Variants in ASCC3 observed in about 807,000 individuals in gnomAD.
ASCC3 encodes ASC-1 complex subunit P200.
ASCC3 carries 158 observed loss-of-function variants against 256.3 expected under a neutral mutation model. The observed-to-expected ratio is 0.62, with a 90% CI of 0.54 to 0.70. The LOEUF (loss-of-function observed/expected upper bound fraction) is 0.70. ASCC3 is among the 30% of genes least tolerant of loss of function. The pLI is 0.00. For synonymous variants in ASCC3, 948 were observed against 883.4 expected (o/e 1.07, Z -1.30); for missense variants, 2,259 against 2,626.0 (o/e 0.86, Z 3.05).
At chr6:100,651,462 T>C in intron 19 of ASCC3, 98 bp downstream of exon 19, 1 of 483,618 alleles carries the variant, frequency 2.1e-6, no homozygotes, top group Non-Finnish European at 3.6e-6. Context: ...CCAAATGTGA[T>C]GTGCCATACA....
intron 4 of ASCC3, among the ~76,000 whole-genome samples, chr6:100,831,033 A>AC (rs1174516370): frequency 2.6e-5 from 4 of 152,144 alleles, no homozygotes; most frequent in Non-Finnish European, 5.9e-5. Flanking sequence ...TTCAATTTTA[A>AC]CCCTAAGTAG....
At chr6:100,743,485 C>A (rs1179490743) in intron 10 of ASCC3, among the ~76,000 whole-genome samples, 1 of 152,088 alleles carries the variant, frequency 6.6e-6, no homozygotes, top group African/African-American at 2.4e-5. Flanking sequence ...CCCTCACCCC[C>A]GGACTCTCCT....
At chr6:100,583,262 A>G (rs184692192) in intron 36 of ASCC3, among the ~76,000 whole-genome samples, 8 of 152,134 alleles carry the variant, frequency 5.3e-5, no homozygotes, top group Admixed American at 1.3e-4. Flanking sequence ...CACAATTTCA[A>G]ATCCTGTTAT....
chr6:100,714,907 C>A (rs1006965118), intron 13 of ASCC3, among the ~76,000 whole-genome samples: 1 of 151,908 alleles, frequency 6.6e-6, no homozygotes, highest in Non-Finnish European at 1.5e-5. Flanking sequence ...GGTTTCACTA[C>A]TCTTAAAAGG....
chr6:100,592,615 AT>A (rs1350526429), intron 34 of ASCC3, among the ~76,000 whole-genome samples: 1 of 152,102 alleles, frequency 6.6e-6, no homozygotes, highest in Non-Finnish European at 1.5e-5. Context: ...TAGAGTACAG[AT>A]TTATATGCTC....
chr6:100,698,164 T>C (rs1441994975), intron 13 of ASCC3, among the ~76,000 whole-genome samples: 2 of 152,140 alleles, frequency 1.3e-5, no homozygotes, highest in East Asian at 3.8e-4. Flanking sequence ...AACTAACTCA[T>C]TAGCCTTTTC....
intron 3 of ASCC3, among the ~76,000 whole-genome samples, chr6:100,860,135 A>C (rs1167606583): frequency 6.6e-6 from 1 of 151,982 alleles, no homozygotes. Context: ...CATTTTACTG[A>C]TTACTAGTCT....
At chr6:100,680,045 G>A (rs576772860) in intron 13 of ASCC3, among the ~76,000 whole-genome samples, 9 of 152,198 alleles carry the variant, frequency 5.9e-5, no homozygotes, top group Admixed American at 1.3e-4. Flanking sequence ...ATGTATTATA[G>A]AGACAGCATA....
intron 14 of ASCC3, among the ~76,000 whole-genome samples, chr6:100,672,734 T>C (rs1273699452): frequency 6.6e-6 from 1 of 152,226 alleles, no homozygotes; most frequent in South Asian, 2.1e-4. Flanking sequence ...ACCAAATTTC[T>C]AATAAGTACC....
chr6:100,615,780 A>T (rs1773639384), intron 30 of ASCC3, among the ~76,000 whole-genome samples: 1 of 152,214 alleles, frequency 6.6e-6, no homozygotes, highest in Non-Finnish European at 1.5e-5. Flanking sequence ...TCTAAATTGC[A>T]GAAATATTTC....
chr6:100,867,831 A>T lies in ASCC3; in HGVS notation c.90+77T>A, dbSNP rs906413891. ...CTTCCATGTTAACCACATAGAATGG[A>T]GAAAAAGAATGTCAAATAGTTGTCC... On this transcript the variant is annotated intron_variant, in intron 2 of 41. Transcript: ENST00000369162. 23 of 1,252,210 alleles carry T rather than the reference A, an allele frequency of 1.8e-5. 1 individual carries two copies. In the South Asian group the frequency reaches 2.9e-4, roughly 16 times the overall value. 77.6% of individuals were successfully genotyped at this position (1,252,210 alleles called of 1,614,324 possible). A position where few individuals can be genotyped will look rare whatever the true frequency, so the allele number is the denominator to read the frequency against.
chr6:100,531,328 A>G (rs146999052), intron 37 of ASCC3, among the ~76,000 whole-genome samples: 114 of 152,266 alleles, frequency 7.5e-4, no homozygotes, highest in Non-Finnish European at 1.2e-3. Flanking sequence ...TTATTCTCCC[A>G]TAAGTCCTAG....
chr6:100,848,055 A>C (rs552753400), intron 4 of ASCC3, 93 bp downstream of exon 4: 1 of 1,273,416 alleles, frequency 7.9e-7, no homozygotes, highest in South Asian at 1.6e-5. Context: ...AGAACATTAA[A>C]GAACTTTCTT....
intron 10 of ASCC3, among the ~76,000 whole-genome samples, chr6:100,737,714 G>C (rs1780248709): frequency 2.0e-5 from 3 of 152,138 alleles, no homozygotes; most frequent in African/African-American, 7.2e-5. Context: ...CTTTGTAACA[G>C]AATGAGTTAT....
intron 36 of ASCC3, among the ~76,000 whole-genome samples, chr6:100,587,000 T>C (rs932558617): frequency 3.9e-5 from 6 of 152,192 alleles, no homozygotes; most frequent in African/African-American, 1.4e-4. Flanking sequence ...TGAATGTATC[T>C]TAGTAAAAGG....
intron 36 of ASCC3, among the ~76,000 whole-genome samples, chr6:100,557,020 T>C (rs1769615006): frequency 6.6e-6 from 1 of 152,114 alleles, no homozygotes; most frequent in African/African-American, 2.4e-5. Flanking sequence ...GACTCCTCAG[T>C]CTTCTGGGCA....
intron 16 of ASCC3, among the ~76,000 whole-genome samples, chr6:100,658,711 C>T (rs534664527): frequency 1.3e-5 from 2 of 151,466 alleles, no homozygotes; most frequent in South Asian, 4.1e-4. Flanking sequence ...GGCAGAAGAT[C>T]TGTGTTGGAG....
intron 36 of ASCC3, among the ~76,000 whole-genome samples, chr6:100,549,064 C>A (rs1358513290): frequency 6.6e-6 from 1 of 151,634 alleles, no homozygotes; most frequent in South Asian, 2.1e-4. Context: ...ATGTAGGCAC[C>A]TATTTTTGGA....
intron 5 of ASCC3, among the ~76,000 whole-genome samples, chr6:100,804,646 A>C (rs766366757): frequency 3.3e-5 from 5 of 152,204 alleles, no homozygotes; most frequent in Non-Finnish European, 7.3e-5. Flanking sequence ...CAAGCAGCCA[A>C]CAAATGCTCA....
Sources: gnomAD v4.1 joint callset for allele counts (sites outside exome capture counted in the v4.1 genomes callset) on GRCh38, gnomAD v4.1.1 for gene constraint, MANE v1.5 for transcripts, NCBI Gene and HGNC (gene_info 2026-07-23, HGNC 2026-07-21) for gene names.